Variants in KLF8 observed in about 807,000 individuals in gnomAD.
KLF8 encodes the protein Krueppel-like factor 8.
KLF8 carries 10 observed loss-of-function variants against 18.2 expected under a neutral mutation model. That is an observed-to-expected ratio of 0.55 (90% CI 0.34 to 0.93). The LOEUF is 0.93. Among genes scored for constraint, KLF8 ranks in the 40% least tolerant of loss-of-function variants. The pLI is 0.02. For synonymous variants in KLF8, 109 were observed against 97.3 expected (o/e 1.12, Z -0.71); for missense variants, 264 against 277.9 (o/e 0.95, Z 0.36).
At chrX:55,983,307 G>A in the KLF8 span, among the ~76,000 whole-genome samples, 2 of 110,878 alleles carry the variant, frequency 1.8e-5, no homozygotes, top group African/African-American at 6.5e-5. Flanking sequence ...TCAGTTTTCT[G>A]TACTGAATTA....
the KLF8 span, among the ~76,000 whole-genome samples, chrX:55,989,153 G>A: frequency 8.9e-6 from 1 of 111,800 alleles, no homozygotes; most frequent in African/African-American, 3.3e-5. Flanking sequence ...TGCAAACAGG[G>A]ACAATTTGAC....
chrX:56,090,298 A>G, the KLF8 span, among the ~76,000 whole-genome samples: 2 of 112,183 alleles, frequency 1.8e-5, no homozygotes, highest in South Asian at 7.5e-4. Flanking sequence ...CTAGACAGAA[A>G]ACCATAAAGC....
At chrX:55,924,849 C>CTTTTTTTTTTTTTTTTTTTTTTTTGTT in the KLF8 span, among the ~76,000 whole-genome samples, 1 of 42,937 alleles carries the variant, frequency 2.3e-5, no homozygotes, top group Non-Finnish European at 3.8e-5. Flanking sequence ...TTGTTTTTTG[C>CTTTTTTTTTTTTTTTTTTTTTTTTGTT]TTTTTTTTTT....
At chrX:56,170,856 A>G in the KLF8 span, among the ~76,000 whole-genome samples, 3 of 111,563 alleles carry the variant, frequency 2.7e-5, no homozygotes, top group South Asian at 1.1e-3. Flanking sequence ...AGCAAATTTA[A>G]CCCAAATAAT....
chrX:56,105,864 C>G, the KLF8 span, among the ~76,000 whole-genome samples: 7 of 111,433 alleles, frequency 6.3e-5, 1 homozygote, highest in African/African-American at 2.3e-4. Flanking sequence ...ATCTGTTGTT[C>G]CTTTCCATGT....
At chrX:56,061,021 T>C in the KLF8 span, among the ~76,000 whole-genome samples, 10 of 111,670 alleles carry the variant, frequency 9.0e-5, no homozygotes, top group Non-Finnish European at 1.7e-4. Context: ...TTTGTATTTC[T>C]GTGGGATCAG....
chrX:56,231,829 A>G (rs1457624645), upstream of KLF8, among the ~76,000 whole-genome samples: 1 of 110,807 alleles, frequency 9.0e-6, no homozygotes, highest in Non-Finnish European at 1.9e-5. Flanking sequence ...GCCTTTCTTA[A>G]GTCTCCCTGC....
At chrX:55,925,928 A>G in the KLF8 span, among the ~76,000 whole-genome samples, 2 of 112,012 alleles carry the variant, frequency 1.8e-5, no homozygotes, top group African/African-American at 6.5e-5. Flanking sequence ...ATATTTTGGT[A>G]CAGACATGCA....
rs932070623 is a variant in KLF8 at position 56,232,710 on chromosome X, C to A, written c.-625C>A. ...CTTTTTAGGAAGGCGCTGGGGTGTGCGGCGGCAACGGCGGCGGTGAAGGGA... is the reference window on the plus strand; with the variant it reads ...CTTTTTAGGAAGGCGCTGGGGTGTGAGGCGGCAACGGCGGCGGTGAAGGGA... On this transcript the variant is annotated 5_prime_UTR_variant, in exon 1 of 6. Coordinates refer to ENST00000468660, the MANE Select transcript of KLF8 (RefSeq NM_007250.5). 2.7e-5 allele frequency: 3 copies of A among 111,577 alleles called. No individual in the cohort carries two copies. The highest frequency in any genetic ancestry group is 9.8e-5 in the African/African-American group (3 of 30,550). 9.2% of individuals were successfully genotyped at this position (111,577 alleles called of 1,213,427 possible).
chrX:56,003,382 C>A, the KLF8 span, among the ~76,000 whole-genome samples: 1 of 108,056 alleles, frequency 9.3e-6, no homozygotes, highest in South Asian at 4.1e-4. Flanking sequence ...TGCACCCCAG[C>A]CTGGGTGACA....
the KLF8 span, among the ~76,000 whole-genome samples, chrX:56,120,804 G>C: frequency 9.0e-6 from 1 of 111,447 alleles, no homozygotes; most frequent in African/African-American, 3.3e-5. Flanking sequence ...CCAAGTGAGG[G>C]TGAGAGTTTG....
At chrX:56,159,029 T>C in the KLF8 span, among the ~76,000 whole-genome samples, 1 of 111,983 alleles carries the variant, frequency 8.9e-6, no homozygotes, top group African/African-American at 3.2e-5. Context: ...GGGTTTGTCA[T>C]AGATAGCTCT....
chrX:56,089,628 T>G, the KLF8 span, among the ~76,000 whole-genome samples: 5 of 112,263 alleles, frequency 4.5e-5, no homozygotes, highest in African/African-American at 1.3e-4. Context: ...CTTCAAAGTT[T>G]GAGACACAGA....
At chrX:56,074,090 TTTC>T in the KLF8 span, among the ~76,000 whole-genome samples, 107 of 111,892 alleles carry the variant, frequency 9.6e-4, no homozygotes, top group African/African-American at 3.4e-3. Flanking sequence ...GCCATTTTTA[TTTC>T]TTCTTTGGAA....
At chrX:56,179,342 G>T in the KLF8 span, among the ~76,000 whole-genome samples, 1 of 112,301 alleles carries the variant, frequency 8.9e-6, no homozygotes, top group African/African-American at 3.2e-5. Context: ...CTTTGATTTT[G>T]TATCCTGAGA....
the KLF8 span, among the ~76,000 whole-genome samples, chrX:56,197,585 G>A: frequency 9.0e-6 from 1 of 111,650 alleles, no homozygotes; most frequent in Non-Finnish European, 1.9e-5. Flanking sequence ...CTGAAATTGA[G>A]GCAATAATTA....
chrX:55,978,638 T>G, the KLF8 span, among the ~76,000 whole-genome samples: 3 of 111,736 alleles, frequency 2.7e-5, no homozygotes, highest in African/African-American at 9.8e-5. Flanking sequence ...GAAGACCACA[T>G]GCCTCATTGT....
At chrX:56,068,661 G>T in the KLF8 span, among the ~76,000 whole-genome samples, 2 of 111,397 alleles carry the variant, frequency 1.8e-5, no homozygotes, top group African/African-American at 6.5e-5. Context: ...GCTTCCTGTT[G>T]TCCCAGGAAA....
chrX:56,031,689 C>T, the KLF8 span, among the ~76,000 whole-genome samples: 1 of 111,768 alleles, frequency 8.9e-6, no homozygotes, highest in Non-Finnish European at 1.9e-5. Flanking sequence ...CCATCAGTCA[C>T]CTCGTTTCCC....
Sources: allele counts gnomAD v4.1 joint callset (sites outside exome capture counted in the v4.1 genomes callset), GRCh38; gene constraint gnomAD v4.1.1; transcripts MANE v1.5; gene names NCBI Gene and HGNC (gene_info 2026-07-23, HGNC 2026-07-21).